PTPRM: variants seen among roughly 807,000 people sequenced by gnomAD.
PTPRM encodes the protein protein tyrosine phosphatase receptor type M.
A neutral mutation model predicts 186.7 loss-of-function variants in PTPRM; 47 were observed. The ratio of observed to expected loss-of-function variants is 0.25; its 90% CI spans 0.20 to 0.32. The LOEUF (loss-of-function observed/expected upper bound fraction) is 0.32. Ranked by LOEUF, PTPRM falls within the 10% of genes least tolerant of loss-of-function variation. The probability of loss-of-function intolerance (pLI) is 1.00; values close to 1 mark genes in which losing one functional copy is unlikely to be tolerated. For synonymous variants in PTPRM, 668 were observed against 674.9 expected, an observed-to-expected ratio of 0.99 and a Z score of 0.16; for missense variants, 1,494 against 1,865.0, an observed-to-expected ratio of 0.80 and a Z score of 3.66.
At chr18:7,797,531 T>C (rs1244373072) in intron 2 of PTPRM, among the ~76,000 whole-genome samples, 1 of 152,228 alleles carries the variant, frequency 6.6e-6, no homozygotes, top group East Asian at 1.9e-4. Context: ...GATGACAATG[T>C]TGAAAAGAGA....
intron 1 of PTPRM, among the ~76,000 whole-genome samples, chr18:7,753,014 T>C (rs2041296043): frequency 6.6e-6 from 1 of 152,132 alleles, no homozygotes; most frequent in Non-Finnish European, 1.5e-5. Context: ...ATTCTGGTAA[T>C]GTGATGAACG....
In PTPRM at chr18:7,955,546, T is replaced by G. The variant is rs142355815; in HGVS notation, c.1132+132T>G. 4.9e-4 allele frequency: 520 copies of G among 1,056,182 alleles called. 7 individuals are homozygous for G. In the East Asian group the frequency reaches 9.9e-3, roughly 20 times the overall value. The allele number at this position is 1,056,182 out of a possible 1,614,324, so 65.4% of individuals were successfully genotyped here. A position where few individuals can be genotyped will look rare whatever the true frequency, so the allele number is the denominator to read the frequency against. On this transcript the variant is annotated intron_variant, in intron 7 of 32. Transcript: ENST00000580170. ...ACCTGCATATGAACAGAAAATGCCC[T>G]TAGCCTGTGAATAGTCAGCTAACAG...
chr18:7,964,942 C>T (rs952927667), intron 7 of PTPRM, among the ~76,000 whole-genome samples: 2 of 151,588 alleles, frequency 1.3e-5, no homozygotes, highest in Admixed American at 1.3e-4. Context: ...CACTGTTATG[C>T]TGTGGTTGTG....
intron 1 of PTPRM, among the ~76,000 whole-genome samples, chr18:7,612,763 G>A (rs2037707091): frequency 6.6e-6 from 1 of 152,142 alleles, no homozygotes; most frequent in Non-Finnish European, 1.5e-5. Context: ...CTTTCATTTT[G>A]GCTTCAGGGA....
At chr18:8,086,394 A>G (rs954638385) in intron 10 of PTPRM, among the ~76,000 whole-genome samples, 16 of 152,276 alleles carry the variant, frequency 1.1e-4, no homozygotes, top group African/African-American at 2.9e-4. Flanking sequence ...CCATCTAACA[A>G]AAGACGTAAT....
chr18:8,012,491 A>G (rs2084592823), intron 7 of PTPRM, among the ~76,000 whole-genome samples: 2 of 152,192 alleles, frequency 1.3e-5, no homozygotes, highest in African/African-American at 4.8e-5. Context: ...TCATCATTGC[A>G]TGAACACCAT....
At chr18:7,785,456 C>A (rs529446877) in intron 2 of PTPRM, among the ~76,000 whole-genome samples, 2 of 151,540 alleles carry the variant, frequency 1.3e-5, no homozygotes, top group South Asian at 2.1e-4. Flanking sequence ...AGAGAGAGAG[C>A]GCGCATGTGT....
chr18:8,296,964 T>C (rs1329140677), intron 20 of PTPRM, among the ~76,000 whole-genome samples: 1 of 152,178 alleles, frequency 6.6e-6, no homozygotes, highest in Non-Finnish European at 1.5e-5. Flanking sequence ...GCAAAAGAAC[T>C]AGGATTATAG....
chr18:8,176,595 T>A (rs996892783), intron 14 of PTPRM, among the ~76,000 whole-genome samples: 2 of 152,194 alleles, frequency 1.3e-5, no homozygotes, highest in Non-Finnish European at 2.9e-5. Flanking sequence ...AGAACCAAAG[T>A]GCACATCATC....
chr18:7,902,339 C>G (rs1335784628), intron 3 of PTPRM, among the ~76,000 whole-genome samples: 1 of 152,096 alleles, frequency 6.6e-6, no homozygotes. Flanking sequence ...AGTCATCTTG[C>G]TGGGAAATAT....
At chr18:7,922,522 C>T (rs754834357) in intron 4 of PTPRM, among the ~76,000 whole-genome samples, 7 of 152,048 alleles carry the variant, frequency 4.6e-5, no homozygotes, top group African/African-American at 9.7e-5. Flanking sequence ...GGAAATTTTC[C>T]GGTTACTTTC....
At chr18:7,974,142 A>G (rs1473784194) in intron 7 of PTPRM, among the ~76,000 whole-genome samples, 1 of 152,148 alleles carries the variant, frequency 6.6e-6, no homozygotes. Flanking sequence ...ACCAGCTAAA[A>G]AGGCAGCTGC....
At chr18:7,907,243 A>C (rs1263859847) in intron 4 of PTPRM, among the ~76,000 whole-genome samples, 1 of 152,194 alleles carries the variant, frequency 6.6e-6, no homozygotes, top group South Asian at 2.1e-4. Context: ...CCTGCCCCCC[A>C]GGGGCCACCA....
At chr18:7,721,553 T>C (rs1232657029) in intron 1 of PTPRM, among the ~76,000 whole-genome samples, 2 of 152,186 alleles carry the variant, frequency 1.3e-5, no homozygotes, top group Admixed American at 1.3e-4. Flanking sequence ...CCAAATCCAA[T>C]GTCATGATGA....
chr18:8,126,406 A>G (rs901507396), intron 13 of PTPRM, among the ~76,000 whole-genome samples: 56 of 152,284 alleles, frequency 3.7e-4, no homozygotes, highest in African/African-American at 1.3e-3. Context: ...AAATAAAACA[A>G]ACCAATGGTT....
At chr18:8,085,570 A>T in intron 9 of PTPRM, 101 bp from the exon 10 acceptor site, 1 of 1,015,394 alleles carries the variant, frequency 9.8e-7, no homozygotes, top group Non-Finnish European at 1.5e-6. Context: ...AGCTTATCAT[A>T]AAGTGTCTGA....
chr18:8,319,946 G>A (rs368594195), intron 22 of PTPRM, among the ~76,000 whole-genome samples: 47 of 152,280 alleles, frequency 3.1e-4, no homozygotes, highest in African/African-American at 8.7e-4. Flanking sequence ...TTTTCCCAGC[G>A]TATGAAGTGG....
chr18:7,740,228 A>C (rs1229775890), intron 1 of PTPRM, among the ~76,000 whole-genome samples: 1 of 152,018 alleles, frequency 6.6e-6, no homozygotes, highest in East Asian at 1.9e-4. Context: ...GACCCTCCTG[A>C]ATTGTAGTAG....
chr18:8,162,577 G>A (rs2093251287), intron 14 of PTPRM, among the ~76,000 whole-genome samples: 1 of 152,148 alleles, frequency 6.6e-6, no homozygotes, highest in South Asian at 2.1e-4. Flanking sequence ...ACTGAGTGCT[G>A]GGGACCACCC....
Sources: gnomAD v4.1 joint callset for allele counts (sites outside exome capture counted in the v4.1 genomes callset) on GRCh38, gnomAD v4.1.1 for gene constraint, MANE v1.5 for transcripts, NCBI Gene and HGNC (gene_info 2026-07-23, HGNC 2026-07-21) for gene names.